Variants in SCLT1 observed in about 807,000 individuals in gnomAD.
SCLT1 encodes the protein sodium channel and clathrin linker 1, also known as sodium channel-associated protein 1.
Under a neutral mutation model 112.8 loss-of-function variants are expected in SCLT1, and 78 were observed. That is an observed-to-expected ratio of 0.69 (90% CI 0.58 to 0.83). The LOEUF (loss-of-function observed/expected upper bound fraction) is 0.83, where lower values mean the gene tolerates loss of function less well. Ranked by LOEUF, SCLT1 falls within the 40% of genes least tolerant of loss-of-function variation. The pLI, the probability that SCLT1 is intolerant of heterozygous loss-of-function variation, is 0.00. For synonymous variants in SCLT1, 257 were observed against 254.7 expected, an observed-to-expected ratio of 1.01 and a Z score of -0.09; for missense variants, 747 against 770.4, an observed-to-expected ratio of 0.97 and a Z score of 0.36.
intron 18 of SCLT1, among the ~76,000 whole-genome samples, chr4:128,899,779 C>A (rs376393814): frequency 2.0e-5 from 3 of 152,058 alleles, no homozygotes; most frequent in Non-Finnish European, 4.4e-5. Context: ...GAAAACCCCA[C>A]TGTCTCAGCC....
chr4:128,936,199 T>C (rs1306180507), intron 18 of SCLT1, among the ~76,000 whole-genome samples: 2 of 152,148 alleles, frequency 1.3e-5, no homozygotes, highest in African/African-American at 4.8e-5. Context: ...GATCATTCAG[T>C]GATCACATTC....
chr4:129,083,210 GAAGAA>G (rs1206714251), intron 1 of SCLT1, among the ~76,000 whole-genome samples: 2 of 123,130 alleles, frequency 1.6e-5, no homozygotes, highest in African/African-American at 5.6e-5. Flanking sequence ...AAAAGAATAA[GAAGAA>G]AAGAAAAAGA....
intron 18 of SCLT1, among the ~76,000 whole-genome samples, chr4:128,935,894 G>A (rs762298821): frequency 9.2e-5 from 14 of 151,870 alleles, no homozygotes; most frequent in Middle Eastern, 6.8e-3. Flanking sequence ...AGCTCTTATT[G>A]TAATCTCCTC....
intron 3 of SCLT1, among the ~76,000 whole-genome samples, chr4:128,877,530 AATT>A (rs1732549422): frequency 6.6e-6 from 1 of 152,112 alleles, no homozygotes; most frequent in African/African-American, 2.4e-5. Context: ...AACTACAAAA[AATT>A]AGCCAGGCGT....
At chr4:129,053,556 G>GTTTTT (rs1749035905) in intron 2 of SCLT1, among the ~76,000 whole-genome samples, 2 of 32,440 alleles carry the variant, frequency 6.2e-5, no homozygotes, top group African/African-American at 2.6e-4. Context: ...TGCAATCCCT[G>GTTTTT]ATTTTTTTTT....
At chr4:129,003,695 GGT>G (rs746115038) in intron 6 of SCLT1, 44 bp downstream of exon 6, 18 of 1,387,840 alleles carry the variant, frequency 1.3e-5, no homozygotes, top group Non-Finnish European at 1.7e-5. Context: ...TTTTTAAAAA[GGT>G]ATGTTAATTC....
chr4:128,898,960 G>T (rs1734031054), intron 18 of SCLT1, among the ~76,000 whole-genome samples: 1 of 152,054 alleles, frequency 6.6e-6, no homozygotes, highest in South Asian at 2.1e-4. Flanking sequence ...TACACCCTCT[G>T]AAGACTAAAC....
At chr4:128,884,622 C>A (rs1051518135) in intron 20 of SCLT1, 83 bp from the exon 21 acceptor site, 157 of 824,072 alleles carry the variant, frequency 1.9e-4, no homozygotes, top group Middle Eastern at 3.3e-4. Context: ...TGCATCACAA[C>A]CTATAAGTAC....
At chr4:129,023,143 G>A (rs1193698044) in intron 5 of SCLT1, among the ~76,000 whole-genome samples, 1 of 152,164 alleles carries the variant, frequency 6.6e-6, no homozygotes, top group Non-Finnish European at 1.5e-5. Context: ...GCTCCTGAAG[G>A]AAGCACTAAA....
intron 5 of SCLT1, among the ~76,000 whole-genome samples, chr4:129,033,502 TAAAAAAAAAAA>T (rs56325033): frequency 4.5e-5 from 2 of 44,300 alleles, no homozygotes; most frequent in African/African-American, 1.6e-4. Flanking sequence ...GAACTTAAAG[TAAAAAAAAAAA>T]AAAAAAAAAA....
intron 18 of SCLT1, among the ~76,000 whole-genome samples, chr4:128,931,706 C>T (rs1472181521): frequency 6.6e-6 from 1 of 152,210 alleles, no homozygotes; most frequent in Non-Finnish European, 1.5e-5. Flanking sequence ...TCGTGATCAG[C>T]CCGCCTCGGC....
At position 128,959,850 on chromosome 4, in the gene SCLT1, CT is replaced by C. The variant is rs1489447487; in HGVS notation, c.870-74del. The C allele has an allele frequency of 1.3e-5, 14 of 1,112,142 alleles. No homozygotes were observed. In the Admixed American group the frequency reaches 2.7e-4, roughly 22 times the overall value. 68.9% of individuals were successfully genotyped at this position (1,112,142 alleles called of 1,614,324 possible). ...AGGAGGGAGATTTACTGAGCATCTACTACAGGACAGGTATTATGCCAGTAAC... is the reference window on the plus strand; with the variant it reads ...AGGAGGGAGATTTACTGAGCATCTACACAGGACAGGTATTATGCCAGTAAC... On this transcript the variant is annotated intron_variant, in intron 11 of 20. Transcript: ENST00000281142.
At chr4:128,884,855 C>T (rs1732769863) in intron 20 of SCLT1, among the ~76,000 whole-genome samples, 1 of 152,060 alleles carries the variant, frequency 6.6e-6, no homozygotes, top group African/African-American at 2.4e-5. Context: ...CTACGTTGCC[C>T]AGACCAGCCT....
chr4:128,919,789 C>A (rs1393521419), intron 18 of SCLT1, among the ~76,000 whole-genome samples: 1 of 151,566 alleles, frequency 6.6e-6, no homozygotes. Context: ...TGCACACAAA[C>A]CAGAAAACCT....
intron 2 of SCLT1, among the ~76,000 whole-genome samples, chr4:129,074,078 C>A (rs1262207396): frequency 2.6e-5 from 4 of 152,076 alleles, no homozygotes; most frequent in Non-Finnish European, 5.9e-5. Context: ...TCTTTTGTCA[C>A]CCTTAATACA....
Position 129,057,406 on chromosome 4 carries a change from A to C in SCLT1, c.103-13355T>G, listed in dbSNP as rs57243721. ...AAATAATTTTAGAAGAATTAATATT[A>C]TTCTTTTTTTTTTTTTTTTTTGATG... On this transcript the variant is annotated intron_variant, in intron 2 of 20. Transcript: ENST00000281142. 4.2e-3 allele frequency among the ~76,000 whole-genome samples: 584 copies of C among 138,794 alleles called. 1 individual carries two copies. The highest frequency in any genetic ancestry group is 0.012 in the African/African-American group (468 of 38,900). The allele number at this position is 138,794 out of a possible 152,430, so 91.1% of individuals were successfully genotyped here. A position where few individuals can be genotyped will look rare whatever the true frequency, so the allele number is the denominator to read the frequency against.
At chr4:128,983,384 A>T (rs1488069672) in intron 9 of SCLT1, among the ~76,000 whole-genome samples, 1 of 152,214 alleles carries the variant, frequency 6.6e-6, no homozygotes, top group Admixed American at 6.5e-5. Context: ...CAAAAAAAGC[A>T]CCTCTGGAAA....
intron 18 of SCLT1, among the ~76,000 whole-genome samples, chr4:128,921,579 T>A (rs1735886410): frequency 6.6e-6 from 1 of 152,158 alleles, no homozygotes; most frequent in East Asian, 1.9e-4. Flanking sequence ...CAATAAATGG[T>A]GCTCAGATAA....
chr4:128,878,072 T>C (rs1579268038), intron 3 of SCLT1, among the ~76,000 whole-genome samples: 1 of 152,256 alleles, frequency 6.6e-6, no homozygotes, highest in Non-Finnish European at 1.5e-5. Flanking sequence ...TAAAATCACA[T>C]AGTTTCTTGA....
Sources: allele counts gnomAD v4.1 joint callset (sites outside exome capture counted in the v4.1 genomes callset), GRCh38; gene constraint gnomAD v4.1.1; transcripts MANE v1.5; gene names NCBI Gene and HGNC (gene_info 2026-07-23, HGNC 2026-07-21).